The following PKP2 variants were observed in gnomAD, a reference collection of about 807,000 sequenced individuals.
PKP2 encodes the protein plakophilin-2.
PKP2 carries 73 observed loss-of-function variants against 83.4 expected under a neutral mutation model. The ratio of observed to expected loss-of-function variants is 0.88; its 90% CI spans 0.72 to 1.06. The LOEUF is 1.06. PKP2 is among the 50% of genes least tolerant of loss of function. The pLI is 0.00. For synonymous variants in PKP2, 409 were observed against 430.4 expected, an observed-to-expected ratio of 0.95 and a Z score of 0.62; for missense variants, 966 against 1,065.4, an observed-to-expected ratio of 0.91 and a Z score of 1.30.
chr12:32,795,377 CTT>C (rs562977029), intron 11 of PKP2, among the ~76,000 whole-genome samples: 1 of 142,912 alleles, frequency 7.0e-6, no homozygotes, highest in Non-Finnish European at 1.5e-5. Flanking sequence ...GCTGCTGCTG[CTT>C]TTTTTTTTTT....
At position 32,894,634 on chromosome 12, in the gene PKP2, C is replaced by T. The variant is rs117186780; in HGVS notation, c.223+1875G>A. ...ACATTCCCTTTTCTTCTGTTCATGG[C>T]TCCATTCCCTCCATTTATGGAAGAG... On this transcript the variant is annotated intron_variant, in intron 1 of 12. Transcript: ENST00000340811. 5.3e-5 allele frequency: 8 copies of T among 152,316 alleles called. No homozygotes were observed. In the East Asian group the frequency reaches 1.3e-3, roughly 26 times the overall value. 9.4% of individuals were successfully genotyped at this position (152,316 alleles called of 1,614,324 possible).
At chr12:32,829,842 G>T (rs1956482186) in intron 6 of PKP2, among the ~76,000 whole-genome samples, 1 of 152,032 alleles carries the variant, frequency 6.6e-6, no homozygotes, top group Admixed American at 6.6e-5. Context: ...TGTATTTTTA[G>T]TAGAGACAGG....
At chr12:32,829,328 C>T (rs1389774411) in intron 6 of PKP2, among the ~76,000 whole-genome samples, 1 of 150,968 alleles carries the variant, frequency 6.6e-6, no homozygotes, top group Non-Finnish European at 1.5e-5. Flanking sequence ...AATCACAGCT[C>T]ACTGCAGCCT....
intron 1 of PKP2, among the ~76,000 whole-genome samples, chr12:32,881,519 C>G (rs1432451475): frequency 6.6e-6 from 1 of 152,158 alleles, no homozygotes; most frequent in Non-Finnish European, 1.5e-5. Flanking sequence ...GCCTCAGCCT[C>G]CCTTACTTGA....
At chr12:32,870,312 G>A (rs1010597761) in intron 3 of PKP2, among the ~76,000 whole-genome samples, 2 of 152,014 alleles carry the variant, frequency 1.3e-5, no homozygotes, top group African/African-American at 4.8e-5. Context: ...GGGTGGGGGC[G>A]GTGCAGGTGG....
intron 8 of PKP2, 96 bp downstream of exon 8, chr12:32,822,371 G>T: frequency 2.0e-6 from 2 of 1,021,052 alleles, no homozygotes; most frequent in Non-Finnish European, 1.5e-6. Flanking sequence ...AAATAGTGCC[G>T]ATATATACCA....
Position 32,796,200 on chromosome 12 carries a change from T to G in PKP2, c.2266A>C (p.Asn756His). 1 of 1,614,006 alleles carries G rather than the reference T, an allele frequency of 6.2e-7. No individual in the cohort carries two copies. The change falls in exon 11 of 13, where the codon AAC becomes CAC. Residue 756 changes from asparagine to histidine, a missense_variant. By Grantham distance (68) the Asn-to-His change is moderately conservative. Transcript: ENST00000340811. ...TGGTAACTGTTTTGGATTATGTTGT[T>G]CAATGTGTAACAGGCAGAGGCTGTA... ...ETTASACYTL[N>H]NIIQNSYQNA...
At chr12:32,851,022 T>A (rs773490750) in intron 4 of PKP2, 49 bp from the exon 5 acceptor site, 2 of 1,437,756 alleles carry the variant, frequency 1.4e-6, no homozygotes, top group Non-Finnish European at 1.9e-6. Flanking sequence ...TGATGTGGCA[T>A]CAAGGCATTC....
intron 6 of PKP2, among the ~76,000 whole-genome samples, chr12:32,835,491 T>TG (rs1218187227): frequency 6.7e-6 from 1 of 149,076 alleles, no homozygotes; most frequent in Non-Finnish European, 1.5e-5. Context: ...AAGGAGGCTG[T>TG]GAAAAAAAAA....
intron 10 of PKP2, among the ~76,000 whole-genome samples, chr12:32,801,238 G>A (rs1956175340): frequency 6.6e-6 from 1 of 152,210 alleles, no homozygotes; most frequent in South Asian, 2.1e-4. Flanking sequence ...TTTCTGCCCT[G>A]AAGGTACATG....
chr12:32,878,139 C>G lies in PKP2; in HGVS notation c.741G>C (p.Gly247=), dbSNP rs762366326. The change falls in exon 3 of 13, where the codon GGG becomes GGC. Residue 247 remains glycine (G), a synonymous_variant. Coordinates refer to ENST00000340811, the MANE Select transcript of PKP2 (RefSeq NM_001005242.3). ...AGAGGTTGCCCATGCTGCGGCTGGT[C>G]CCTGGCCTGGGGTACGTGAGCAGGG... ...NPALLTYPRP[G]TSRSMGNLLE... is the part of the protein sequence containing the mutation. 5 of 1,614,074 alleles carry G rather than the reference C, an allele frequency of 3.1e-6. No homozygotes were observed. In the East Asian group the frequency reaches 1.1e-4, roughly 36 times the overall value.
At chr12:32,856,160 T>C (rs908628990) in intron 4 of PKP2, among the ~76,000 whole-genome samples, 10 of 152,174 alleles carry the variant, frequency 6.6e-5, no homozygotes, top group Non-Finnish European at 1.0e-4. Context: ...GCAAGATACT[T>C]ATGGCAGTGA....
At chr12:32,869,139 A>G (rs1375607747) in intron 3 of PKP2, 77 bp from the exon 4 acceptor site, 1 of 1,543,810 alleles carries the variant, frequency 6.5e-7, no homozygotes, top group South Asian at 1.1e-5. Context: ...TCCAGAGACG[A>G]CTCAGCGAAT....
At chr12:32,800,237 A>AT (rs1468036386) in intron 10 of PKP2, among the ~76,000 whole-genome samples, 1 of 152,204 alleles carries the variant, frequency 6.6e-6, no homozygotes, top group Non-Finnish European at 1.5e-5. Flanking sequence ...TCTCTCTATG[A>AT]TACTGATAGT....
rs1222143443 is a variant in PKP2 at position 32,810,675 on chromosome 12, ATTTTTTTTTT to A, written c.2014-8129_2014-8120del. On this transcript the variant is annotated intron_variant, in intron 9 of 12. Transcript: ENST00000340811. ...TTAGGGGAAAGTACATAGAATAAAC[ATTTTTTTTTT>A]TTTTTTTTTTTTTTGAGACGGAGTC... is the stretch of plus-strand genomic sequence containing the variant. 7.0e-4 allele frequency among the ~76,000 whole-genome samples: 20 copies of A among 28,724 alleles called. 7 individuals are homozygous for A. Among genetic ancestry groups the A allele is most frequent in the African/African-American group, 1.6e-3 (20 of 12,584 alleles). 18.8% of individuals were successfully genotyped at this position (28,724 alleles called of 152,430 possible).
At chr12:32,824,388 T>A in intron 6 of PKP2, 1 of 537,434 alleles carries the variant, frequency 1.9e-6, no homozygotes, top group Non-Finnish European at 3.3e-6. Flanking sequence ...ATAAGTCTTC[T>A]ACTTCACTCC....
intron 6 of PKP2, among the ~76,000 whole-genome samples, chr12:32,835,241 G>C (rs1398459622): frequency 2.6e-5 from 4 of 151,980 alleles, no homozygotes; most frequent in African/African-American, 9.7e-5. Context: ...TTTTAGTAGA[G>C]ATGAGGTTTC....
At chr12:32,801,812 C>T (rs1017639124) in intron 10 of PKP2, among the ~76,000 whole-genome samples, 1 of 109,580 alleles carries the variant, frequency 9.1e-6, no homozygotes, top group African/African-American at 3.9e-5. Flanking sequence ...GTACCGTTAT[C>T]ATCTCTGTCA....
Position 32,843,249 on chromosome 12 carries a change from G to A in PKP2, c.1379-2044C>T, listed in dbSNP as rs1420856333. On this transcript the variant is annotated intron_variant, in intron 5 of 12. Coordinates refer to ENST00000340811, the MANE Select transcript of PKP2 (RefSeq NM_001005242.3). ...GCCCGCCTTGGCCTCCCAAAGTGCT[G>A]GGATTACAGGCGTGAGCCACCGCGC... 2 of 1,081,846 alleles carry A rather than the reference G, an allele frequency of 1.8e-6. No individual in the cohort carries two copies. The allele number at this position is 1,081,846 out of a possible 1,614,324, so 67.0% of individuals were successfully genotyped here. A position where few individuals can be genotyped will look rare whatever the true frequency, so the allele number is the denominator to read the frequency against.
Sources: gnomAD v4.1 joint callset for allele counts (sites outside exome capture counted in the v4.1 genomes callset) on GRCh38, gnomAD v4.1.1 for gene constraint, MANE v1.5 for transcripts, NCBI Gene and HGNC (gene_info 2026-07-23, HGNC 2026-07-21) for gene names.